RAF1: variants seen among roughly 807,000 people sequenced by gnomAD.
The protein encoded by RAF1 is RAF proto-oncogene serine/threonine-protein kinase.
Under a neutral mutation model 81.1 loss-of-function variants are expected in RAF1, and 27 were observed. The ratio of observed to expected loss-of-function variants is 0.33; its 90% CI spans 0.25 to 0.46. RAF1 has a LOEUF of 0.46. RAF1 is among the 20% of genes least tolerant of loss of function. The probability of loss-of-function intolerance (pLI) is 1.00; values close to 1 mark genes in which losing one functional copy is unlikely to be tolerated. For synonymous variants in RAF1, 298 were observed against 294.0 expected (o/e 1.01, Z -0.14); for missense variants, 598 against 826.0 (o/e 0.72, Z 3.38).
Position 12,649,328 on chromosome 3 carries a change from T to C in RAF1, c.-27+14485A>G, listed in dbSNP as rs2060449340. 2.6e-5 allele frequency among the ~76,000 whole-genome samples: 4 copies of C among 152,304 alleles called. No individual in the cohort carries two copies. The South Asian group carries it at 8.3e-4, about 32-fold the overall frequency. On this transcript the variant is annotated intron_variant, in intron 1 of 17. Coordinates refer to ENST00000442415, the MANE Select transcript of RAF1 (RefSeq NM_001354689.3). Reference sequence around the variant, plus strand: ...AAAATTTTTCCCTGGCCAGGCATGGTGGTTCATGCCTGTAATCTCAGTAAT... The same window carrying C: ...AAAATTTTTCCCTGGCCAGGCATGGCGGTTCATGCCTGTAATCTCAGTAAT...
rs539128056 is a variant in RAF1 at position 12,584,330 on chromosome 3, C to G, written c.*184G>C. 4.2e-6 allele frequency: 3 copies of G among 722,778 alleles called. No homozygotes were observed. The highest frequency in any genetic ancestry group is 3.6e-5 in the South Asian group (2 of 56,080). The allele number at this position is 722,778 out of a possible 1,614,324, so 44.8% of individuals were successfully genotyped here. ...CCAGCACTGCAAATGGCTTCCTTCT[C>G]CCAGGGCCCAAAGGGATAGAAAAGA... On this transcript the variant is annotated 3_prime_UTR_variant, in exon 18 of 18. Transcript: ENST00000442415.
intron 1 of RAF1, among the ~76,000 whole-genome samples, chr3:12,662,097 G>A (rs1307260278): frequency 1.3e-5 from 2 of 151,716 alleles, no homozygotes; most frequent in African/African-American, 2.4e-5. Context: ...GGGAGGGAGA[G>A]GTGGAAGCAG....
At chr3:12,608,583 G>A (rs2059112710) in intron 5 of RAF1, 183 bp downstream of exon 5, 4 of 673,524 alleles carry the variant, frequency 5.9e-6, no homozygotes, top group South Asian at 1.7e-5. Flanking sequence ...TCATTCTGGA[G>A]TATGAATGCC....
chr3:12,591,574 C>A, intron 12 of RAF1, 134 bp downstream of exon 11: 1 of 757,116 alleles, frequency 1.3e-6, no homozygotes, highest in African/African-American at 1.7e-5. Flanking sequence ...GGAGGAGCAT[C>A]CAACCACAGA....
chr3:12,591,791 T>G lies in RAF1; in HGVS notation c.1170A>C (p.Gly390=), dbSNP rs748690191. Residue 390 remains glycine, a splice_region_variant and synonymous_variant, in exon 12 of 18, where the codon GGA becomes GGC. Coordinates refer to ENST00000442415, the MANE Select transcript of RAF1 (RefSeq NM_001354689.3). ...CCTTTAGGATCTTTACTGCAACATC[T>G]CCTGCAAAATTAGTTGGCAGTCAGT... is the stretch of plus-strand genomic sequence containing the variant. The G allele has an allele frequency of 6.2e-7, 1 of 1,613,212 alleles. No individual in the cohort carries two copies.
At chr3:12,610,224 G>C (rs973543317) in intron 3 of RAF1, among the ~76,000 whole-genome samples, 3 of 152,176 alleles carry the variant, frequency 2.0e-5, no homozygotes, top group African/African-American at 7.2e-5. Context: ...AAAATAACAT[G>C]TATAGCACCA....
chr3:12,606,980 C>T (rs1174479530), intron 5 of RAF1, among the ~76,000 whole-genome samples: 3 of 152,202 alleles, frequency 2.0e-5, no homozygotes, highest in African/African-American at 7.2e-5. Context: ...CGTGAGCCAC[C>T]GCGCCCGGCC....
chr3:12,659,996 G>A (rs748101591), intron 1 of RAF1, among the ~76,000 whole-genome samples: 1 of 152,102 alleles, frequency 6.6e-6, no homozygotes, highest in Non-Finnish European at 1.5e-5. Context: ...TAGACTACCT[G>A]AAATAGTAGT....
At chr3:12,621,030 A>G (rs2059544279) in intron 1 of RAF1, among the ~76,000 whole-genome samples, 1 of 152,150 alleles carries the variant, frequency 6.6e-6, no homozygotes, top group Non-Finnish European at 1.5e-5. Context: ...TTGATAAGGA[A>G]TCCCATCTTT....
chr3:12,605,626 T>C (rs367544935), intron 6 of RAF1, among the ~76,000 whole-genome samples: 3 of 152,200 alleles, frequency 2.0e-5, no homozygotes, highest in African/African-American at 7.2e-5. Context: ...TTCAAATTCA[T>C]GTGTGTTAAC....
chr3:12,621,203 T>C (rs1182058581), intron 1 of RAF1, among the ~76,000 whole-genome samples: 1 of 152,210 alleles, frequency 6.6e-6, no homozygotes, highest in Admixed American at 6.5e-5. Context: ...CATTTTACAG[T>C]TGAGAAAATT....
At chr3:12,658,778 C>A (rs146022327) in intron 1 of RAF1, among the ~76,000 whole-genome samples, 58 of 152,238 alleles carry the variant, frequency 3.8e-4, no homozygotes, top group African/African-American at 1.3e-3. Context: ...AAAAATAAAA[C>A]CGTGTGTCAA....
At chr3:12,596,100 T>C (rs574313923) in intron 11 of RAF1, among the ~76,000 whole-genome samples, 1 of 152,070 alleles carries the variant, frequency 6.6e-6, no homozygotes, top group Non-Finnish European at 1.5e-5. Context: ...CTCGATCTCC[T>C]GGGCTAAAGT....
intron 2 of RAF1, among the ~76,000 whole-genome samples, chr3:12,613,288 TA>T (rs1208206166): frequency 6.6e-6 from 1 of 152,158 alleles, no homozygotes; most frequent in Non-Finnish European, 1.5e-5. Context: ...GTAAGGTAAC[TA>T]GAGTCAGTAT....
chr3:12,608,518 C>T (rs2125415519), intron 5 of RAF1: 1 of 537,000 alleles, frequency 1.9e-6, no homozygotes, highest in Admixed American at 3.2e-5. Context: ...TACTGAATCA[C>T]AGTCACAGTA....
At position 12,606,223 on chromosome 3, in the gene RAF1, A is replaced by G. The variant is rs2059024250; in HGVS notation, c.658T>C (p.Ser220Pro). 1 of 1,613,736 alleles carries G rather than the reference A, an allele frequency of 6.2e-7. No individual in the cohort carries two copies. Among genetic ancestry groups the G allele is most frequent in the Non-Finnish European group, 8.5e-7 (1 of 1,179,774 alleles). ...TACCTAACAGGCATCCTGGAAACAG[A>G]CTCTCGCATACGACGCATAGTCAAA... is the stretch of plus-strand genomic sequence containing the variant. Residue 220 changes from serine to proline, a missense_variant, in exon 6 of 18, where the codon TCT becomes CCT. By Grantham distance (74) the Ser-to-Pro change is moderately conservative. Transcript: ENST00000442415.
Position 12,590,786 on chromosome 3 carries a change from C to G in RAF1, c.1430+12G>C. ...GCCTGGGTCCCAGAGAGGCATCAGA[C>G]CATCTACTCACTCCATTCCCTGAGC... On this transcript the variant is annotated intron_variant, in intron 13 of 17. Transcript: ENST00000442415. 6.2e-7 allele frequency: 1 copy of G among 1,609,102 alleles called. No homozygotes were observed. Among genetic ancestry groups the G allele is most frequent in the African/African-American group, 1.3e-5 (1 of 74,946 alleles).
intron 13 of RAF1, chr3:12,590,596 G>C (rs2058482780): frequency 1.6e-6 from 1 of 618,374 alleles, no homozygotes; most frequent in South Asian, 1.8e-5. Flanking sequence ...AAAGTGCTGG[G>C]ATTACAGGTG....
At chr3:12,627,332 T>G (rs2059733374) in intron 1 of RAF1, among the ~76,000 whole-genome samples, 1 of 152,178 alleles carries the variant, frequency 6.6e-6, no homozygotes, top group Non-Finnish European at 1.5e-5. Flanking sequence ...ATTCCTGACT[T>G]CCCCTGGTCA....
Sources: allele counts gnomAD v4.1 joint callset (sites outside exome capture counted in the v4.1 genomes callset), GRCh38; gene constraint gnomAD v4.1.1; transcripts MANE v1.5; gene names NCBI Gene and HGNC (gene_info 2026-07-23, HGNC 2026-07-21).